NIT2: variants seen among roughly 807,000 people sequenced by gnomAD.
NIT2 encodes omega-amidase NIT2.
NIT2 carries 46 observed loss-of-function variants against 42.7 expected under a neutral mutation model. The ratio of observed to expected loss-of-function variants is 1.08; its 90% CI spans 0.85 to 1.38. NIT2 has a LOEUF of 1.38. Among genes scored for constraint, NIT2 ranks in the 40% most tolerant of loss-of-function variants. NIT2 has a pLI of 0.00. For synonymous variants in NIT2, 123 were observed against 121.9 expected, an observed-to-expected ratio of 1.01 and a Z score of -0.06; for missense variants, 309 against 342.5, an observed-to-expected ratio of 0.90 and a Z score of 0.77.
intron 1 of NIT2, among the ~76,000 whole-genome samples, chr3:100,338,308 T>C (rs1234992814): frequency 6.6e-6 from 1 of 152,204 alleles, no homozygotes; most frequent in Admixed American, 6.5e-5. Context: ...TGTTAGCTTT[T>C]CCTTCTGCAG....
At chr3:100,352,528 C>A in intron 8 of NIT2, 26 bp downstream of exon 8, 1 of 1,579,184 alleles carries the variant, frequency 6.3e-7, no homozygotes, top group Non-Finnish European at 8.7e-7. Flanking sequence ...TGAGAATAGG[C>A]TCAGTCGGAG....
rs368206095 is a variant in NIT2, at chr3:100,354,753, T to G, written c.684-19T>G. The stretch of plus-strand genomic sequence containing the variant: ...CAAACATCAGTGAATCCACTCATTC[T>G]CTTCTGCATCTTTTTCAGGGGGGAG... On this transcript the variant is annotated intron_variant, in intron 8 of 9. Coordinates refer to ENST00000394140, the MANE Select transcript of NIT2 (RefSeq NM_020202.5). The G allele has an allele frequency of 5.6e-6, 9 of 1,599,278 alleles. No individual in the cohort carries two copies. In the Admixed American group the frequency reaches 1.5e-4, roughly 27 times the overall value.
At chr3:100,344,997 C>G (rs1197627164) in intron 4 of NIT2, among the ~76,000 whole-genome samples, 6 of 141,846 alleles carry the variant, frequency 4.2e-5, no homozygotes, top group Non-Finnish European at 9.2e-5. Context: ...CTCTGTCACC[C>G]AGGCTGGAGT....
At chr3:100,336,794 CAG>C (rs1706079881) in intron 1 of NIT2, among the ~76,000 whole-genome samples, 1 of 152,242 alleles carries the variant, frequency 6.6e-6, no homozygotes, top group Admixed American at 6.5e-5. Flanking sequence ...GGGCAGGAGA[CAG>C]ATGCCTGCCT....
intron 1 of NIT2, 103 bp downstream of exon 1, chr3:100,334,901 T>C: frequency 2.7e-6 from 3 of 1,107,342 alleles, no homozygotes; most frequent in Non-Finnish European, 3.4e-6. Context: ...CCGCCCCGCG[T>C]CCCCGCCGTG....
At position 100,359,508 on chromosome 3, in the gene NIT2, T is replaced by TC. The variant is rs2148886302; in HGVS notation, c.*4242dup. ...GGCAGGCAGATTCTGCCCTCATCTG[T>TC]CCAGTGACACTCTTCTGGCAGATTA... is the stretch of plus-strand genomic sequence containing the variant. On this transcript the variant is annotated 3_prime_UTR_variant, in exon 10 of 10. Coordinates refer to ENST00000394140, the MANE Select transcript of NIT2 (RefSeq NM_020202.5). The TC allele has an allele frequency of 6.6e-6, 1 of 152,304 alleles. No homozygotes were observed. The highest frequency in any genetic ancestry group is 2.1e-4 in the South Asian group (1 of 4,828). 9.4% of individuals were successfully genotyped at this position (152,304 alleles called of 1,614,324 possible).
At chr3:100,336,806 T>C (rs982347594) in intron 1 of NIT2, among the ~76,000 whole-genome samples, 1 of 152,102 alleles carries the variant, frequency 6.6e-6, no homozygotes, top group Admixed American at 6.5e-5. Flanking sequence ...GATGCCTGCC[T>C]TCCTCTTGTC....
At position 100,354,771 on chromosome 3, in the gene NIT2, G is replaced by A. The variant is rs1366179946; in HGVS notation, c.684-1G>A. On this transcript the variant is annotated splice_acceptor_variant, in intron 8 of 9. Transcript: ENST00000394140. LOFTEE classifies it high-confidence loss of function. ...CTCATTCTCTTCTGCATCTTTTTCA[G>A]GGGGGAGGTTCTAGCCAAAGCTGGC... 1.2e-6 allele frequency: 2 copies of A among 1,604,720 alleles called. No individual in the cohort carries two copies. Among genetic ancestry groups the A allele is most frequent in the Non-Finnish European group, 1.7e-6 (2 of 1,175,180 alleles).
intron 1 of NIT2, among the ~76,000 whole-genome samples, chr3:100,337,182 A>G: frequency 6.6e-6 from 1 of 152,224 alleles, no homozygotes; most frequent in South Asian, 2.1e-4. Flanking sequence ...GTTTAACAGC[A>G]TCTCAAGGCA....
chr3:100,354,979 C>T, intron 9 of NIT2, 152 bp downstream of exon 9: 3 of 802,642 alleles, frequency 3.7e-6, no homozygotes, highest in Non-Finnish European at 6.0e-6. Context: ...GTTCTCTGGC[C>T]AATCCCTGGG....
intron 6 of NIT2, 142 bp from the exon 7 acceptor site, chr3:100,348,661 C>A: frequency 1.6e-6 from 1 of 617,856 alleles, no homozygotes. Context: ...TTAATTGCTG[C>A]TGGCACTGTC....
Position 100,352,390 on chromosome 3 carries a change from T to C in NIT2, c.585-14T>C, listed in dbSNP as rs956119413. ...TAATGTACGATTTACCTCTTTCCTG[T>C]CTATTGACTACAGGGCTGTTGATAA... On this transcript the variant is annotated splice_polypyrimidine_tract_variant and intron_variant, in intron 7 of 9. Transcript: ENST00000394140. 1.3e-6 allele frequency: 2 copies of C among 1,598,948 alleles called. No individual in the cohort carries two copies. The highest frequency in any genetic ancestry group is 1.7e-6 in the Non-Finnish European group (2 of 1,166,884).
Position 100,360,723 on chromosome 3 carries a change from T to C in NIT2, c.*5455T>C, listed in dbSNP as rs1250696715. The C allele has an allele frequency of 1.3e-5, 2 of 152,144 alleles. No homozygotes were observed. Among genetic ancestry groups the C allele is most frequent in the African/African-American group, 4.8e-5 (2 of 41,424 alleles). The allele number at this position is 152,144 out of a possible 1,614,324, so 9.4% of individuals were successfully genotyped here. On this transcript the variant is annotated 3_prime_UTR_variant, in exon 10 of 10. Coordinates refer to ENST00000394140, the MANE Select transcript of NIT2 (RefSeq NM_020202.5). Reference sequence around the variant, plus strand: ...AGCTTGAGATGCATAAAAGAACACATAGAGATGGGGAGTCAGTTCTCCATA... The same window carrying C: ...AGCTTGAGATGCATAAAAGAACACACAGAGATGGGGAGTCAGTTCTCCATA...
intron 4 of NIT2, among the ~76,000 whole-genome samples, chr3:100,342,744 T>G (rs755056578): frequency 5.9e-5 from 9 of 152,146 alleles, no homozygotes; most frequent in Non-Finnish European, 1.2e-4. Context: ...ACAGGAATAC[T>G]TGATTTAAAT....
chr3:100,339,774 G>C, intron 2 of NIT2, 41 bp from the exon 3 acceptor site: 1 of 1,582,896 alleles, frequency 6.3e-7, no homozygotes, highest in Non-Finnish European at 8.6e-7. Context: ...AAAATGGGTG[G>C]GTGTTTTGAT....
intron 4 of NIT2, among the ~76,000 whole-genome samples, chr3:100,344,650 GTT>G (rs1455546047): frequency 6.6e-6 from 1 of 151,834 alleles, no homozygotes; most frequent in Non-Finnish European, 1.5e-5. Flanking sequence ...TTCTGTTTTT[GTT>G]TTTGTTTTTT....
Position 100,356,255 on chromosome 3 carries a change from A to G in NIT2, c.*987A>G, listed in dbSNP as rs531867149. The G allele has an allele frequency of 4.6e-5, 7 of 152,326 alleles. No homozygotes were observed. The highest frequency in any genetic ancestry group is 1.7e-4 in the African/African-American group (7 of 41,576). The allele number at this position is 152,326 out of a possible 1,614,324, so 9.4% of individuals were successfully genotyped here. A position where few individuals can be genotyped will look rare whatever the true frequency, so the allele number is the denominator to read the frequency against. ...TACATGGGCCAGTAATTGTTGAACA[A>G]CCAGCTATTTGAGAAAAAGCCCTGA... On this transcript the variant is annotated 3_prime_UTR_variant, in exon 10 of 10. Transcript: ENST00000394140.
At chr3:100,343,476 A>G (rs536292740) in intron 4 of NIT2, among the ~76,000 whole-genome samples, 26 of 151,876 alleles carry the variant, frequency 1.7e-4, no homozygotes, top group Non-Finnish European at 2.9e-4. Context: ...GTCTTCTTCA[A>G]TTTCCCGTAA....
At chr3:100,339,469 G>A (rs573130898) in intron 2 of NIT2, among the ~76,000 whole-genome samples, 7 of 152,234 alleles carry the variant, frequency 4.6e-5, no homozygotes, top group Non-Finnish European at 7.4e-5. Context: ...AGGGACTTAC[G>A]GAAAACTAAA....
Sources: allele counts gnomAD v4.1 joint callset (sites outside exome capture counted in the v4.1 genomes callset), GRCh38; gene constraint gnomAD v4.1.1; transcripts MANE v1.5; gene names NCBI Gene and HGNC (gene_info 2026-07-23, HGNC 2026-07-21).